Variants in PDE4B observed in about 807,000 individuals in gnomAD.
PDE4B encodes the protein 3',5'-cyclic-AMP phosphodiesterase 4B.
Under a neutral mutation model 82.2 loss-of-function variants are expected in PDE4B, and 20 were observed. That is an observed-to-expected ratio of 0.24 (90% CI 0.17 to 0.35). PDE4B has a LOEUF of 0.35. Among genes scored for constraint, PDE4B ranks in the 10% least tolerant of loss-of-function variants. The probability of loss-of-function intolerance (pLI) is 1.00; values close to 1 mark genes in which losing one functional copy is unlikely to be tolerated. For synonymous variants in PDE4B, 320 were observed against 318.9 expected, an observed-to-expected ratio of 1.00 and a Z score of -0.04; for missense variants, 655 against 907.2, an observed-to-expected ratio of 0.72 and a Z score of 3.57.
chr1:66,184,795 GTTTTTC>G (rs1482710226), intron 3 of PDE4B, among the ~76,000 whole-genome samples: 2 of 148,230 alleles, frequency 1.3e-5, no homozygotes, highest in African/African-American at 5.0e-5. Context: ...ATACCTCAGA[GTTTTTC>G]TTTTTTTTTT....
At chr1:66,343,174 T>C (rs1661141255) in intron 8 of PDE4B, among the ~76,000 whole-genome samples, 1 of 152,228 alleles carries the variant, frequency 6.6e-6, no homozygotes, top group Non-Finnish European at 1.5e-5. Context: ...ACAGATTTTT[T>C]TTAAAAAAGA....
chr1:65,909,555 G>T (rs186902354), intron 1 of PDE4B, among the ~76,000 whole-genome samples: 9 of 152,198 alleles, frequency 5.9e-5, no homozygotes, highest in Non-Finnish European at 7.4e-5. Context: ...AAAACAGAAC[G>T]TTATGAAGGA....
At position 66,338,571 on chromosome 1, in the gene PDE4B, G is replaced by A. The variant is rs1347120236; in HGVS notation, c.747+5951G>A. ...AATAATAGTATTAAACTAATCCATTGCCTATTTCAGATCAATTTGCTCACT... is the reference window on the plus strand; with the variant it reads ...AATAATAGTATTAAACTAATCCATTACCTATTTCAGATCAATTTGCTCACT... On this transcript the variant is annotated intron_variant, in intron 8 of 16. Transcript: ENST00000341517. Among the ~76,000 whole-genome samples the A allele has an allele frequency of 2.0e-5, 3 of 152,136 alleles. No homozygotes were observed. In the East Asian group the frequency reaches 5.8e-4, roughly 29 times the overall value.
intron 1 of PDE4B, among the ~76,000 whole-genome samples, chr1:65,909,364 A>G (rs1032888626): frequency 3.9e-5 from 6 of 152,150 alleles, no homozygotes; most frequent in South Asian, 2.1e-4. Flanking sequence ...AATTATCACT[A>G]TTCACTGAAA....
intron 2 of PDE4B, among the ~76,000 whole-genome samples, chr1:65,913,575 A>G (rs983947292): frequency 6.6e-6 from 1 of 152,140 alleles, no homozygotes; most frequent in Non-Finnish European, 1.5e-5. Flanking sequence ...TTTCACTTTT[A>G]TGGTTTTCAA....
chr1:66,001,602 A>C (rs1401171772), intron 3 of PDE4B, among the ~76,000 whole-genome samples: 1 of 152,178 alleles, frequency 6.6e-6, no homozygotes, highest in Non-Finnish European at 1.5e-5. Context: ...TTATGAATAA[A>C]GGTGATATAA....
At chr1:65,966,506 C>T (rs1241507747) in intron 3 of PDE4B, among the ~76,000 whole-genome samples, 1 of 152,172 alleles carries the variant, frequency 6.6e-6, no homozygotes, top group African/African-American at 2.4e-5. Flanking sequence ...CTATTCCCAT[C>T]AAGCTACCAG....
At chr1:66,064,786 A>G (rs992133410) in intron 3 of PDE4B, among the ~76,000 whole-genome samples, 8 of 151,986 alleles carry the variant, frequency 5.3e-5, no homozygotes, top group Admixed American at 3.3e-4. Flanking sequence ...GCCAACTCTT[A>G]ACTATTAGTA....
rs1035209059 is a variant in PDE4B, at chr1:66,374,442, A to T, written c.*1764A>T. On this transcript the variant is annotated 3_prime_UTR_variant, in exon 17 of 17. Transcript: ENST00000341517. ...ACCAATGTATGTCTATGAACACTGC[A>T]TTGTTTCAGGTGGACATTTTATCAT... 6.6e-6 allele frequency: 1 copy of T among 152,618 alleles called. No individual in the cohort carries two copies. The highest frequency in any genetic ancestry group is 1.5e-5 in the Non-Finnish European group (1 of 68,028). 9.5% of individuals were successfully genotyped at this position (152,618 alleles called of 1,614,324 possible).
At chr1:66,235,030 G>A (rs1652295301) in intron 3 of PDE4B, among the ~76,000 whole-genome samples, 1 of 152,104 alleles carries the variant, frequency 6.6e-6, no homozygotes, top group Non-Finnish European at 1.5e-5. Flanking sequence ...TGTTTAGACT[G>A]TATTTAGTTT....
chr1:65,940,557 C>A (rs1283550851), intron 3 of PDE4B, among the ~76,000 whole-genome samples: 1 of 151,882 alleles, frequency 6.6e-6, no homozygotes, highest in Non-Finnish European at 1.5e-5. Context: ...CAGGGTGATG[C>A]CAGAGGGAAT....
intron 1 of PDE4B, among the ~76,000 whole-genome samples, chr1:65,846,503 C>A (rs1217883311): frequency 6.6e-6 from 1 of 152,072 alleles, no homozygotes; most frequent in African/African-American, 2.4e-5. Context: ...TCAGTAAGAA[C>A]AATTTCTGAC....
At chr1:66,089,991 AC>A (rs934680152) in intron 3 of PDE4B, among the ~76,000 whole-genome samples, 10 of 152,088 alleles carry the variant, frequency 6.6e-5, no homozygotes, top group Admixed American at 6.6e-4. Context: ...TATCTCCTAT[AC>A]CCTTGATCTA....
intron 3 of PDE4B, among the ~76,000 whole-genome samples, chr1:66,202,059 T>C (rs1214318310): frequency 3.9e-5 from 6 of 152,194 alleles, no homozygotes; most frequent in East Asian, 3.8e-4. Flanking sequence ...TTTGTTCTCA[T>C]TGGTTTCAAA....
At chr1:66,238,117 AAAAC>A (rs1216036937) in intron 3 of PDE4B, among the ~76,000 whole-genome samples, 1 of 152,230 alleles carries the variant, frequency 6.6e-6, no homozygotes, top group East Asian at 1.9e-4. Flanking sequence ...AGTAGAGGAG[AAAAC>A]AAACAGAAAG....
At chr1:65,812,668 A>G (rs925116335) in intron 1 of PDE4B, among the ~76,000 whole-genome samples, 2 of 152,178 alleles carry the variant, frequency 1.3e-5, no homozygotes, top group African/African-American at 4.8e-5. Context: ...AACTACATAG[A>G]TAATGCTGTT....
intron 3 of PDE4B, among the ~76,000 whole-genome samples, chr1:65,963,715 G>C (rs1321629567): frequency 6.6e-6 from 1 of 152,152 alleles, no homozygotes; most frequent in Non-Finnish European, 1.5e-5. Context: ...CCTCTCCTTA[G>C]TGTGTTCACA....
In PDE4B at chr1:66,363,514, G is replaced by A. The variant is rs115052833; in HGVS notation, c.1227G>A (p.Leu409=). The A allele has an allele frequency of 9.9e-6, 16 of 1,613,748 alleles. No homozygotes were observed. The East Asian group carries it at 3.3e-4, about 34-fold the overall frequency. ...CTGACGTGGCATATCACAACAGCCTGCACGCTGCTGATGTAGCCCAGTCGA... is the reference window on the plus strand; with the variant it reads ...CTGACGTGGCATATCACAACAGCCTACACGCTGCTGATGTAGCCCAGTCGA... The part of the protein sequence containing the change: ...YHSDVAYHNS[L]HAADVAQSTH... Residue 409 remains leucine, a synonymous_variant, in exon 12 of 17, where the codon CTG becomes CTA. Coordinates refer to ENST00000341517, the MANE Select transcript of PDE4B (RefSeq NM_002600.4).
chr1:65,803,637 T>C (rs1645721306), intron 1 of PDE4B, among the ~76,000 whole-genome samples: 1 of 152,126 alleles, frequency 6.6e-6, no homozygotes, highest in South Asian at 2.1e-4. Context: ...GTCCTTTGGG[T>C]CTCTTAAATG....
Sources: allele counts gnomAD v4.1 joint callset (sites outside exome capture counted in the v4.1 genomes callset), GRCh38; gene constraint gnomAD v4.1.1; transcripts MANE v1.5; gene names NCBI Gene and HGNC (gene_info 2026-07-23, HGNC 2026-07-21).